ZNF438: variants seen among roughly 807,000 people sequenced by gnomAD.
ZNF438 encodes the protein zinc finger protein 438.
Under a neutral mutation model 38.0 loss-of-function variants are expected in ZNF438, and 25 were observed. The observed-to-expected ratio is 0.66, with a 90% CI of 0.48 to 0.92. The LOEUF is 0.92. ZNF438 is among the 40% of genes least tolerant of loss of function. The pLI, the probability that ZNF438 is intolerant of heterozygous loss-of-function variation, is 0.00. For missense variants in ZNF438, 1,007 were observed against 999.6 expected, an observed-to-expected ratio of 1.01 and a Z score of -0.10; for synonymous variants, 372 against 364.1, an observed-to-expected ratio of 1.02 and a Z score of -0.25.
At chr10:30,887,647 C>T (rs1184894994) in intron 3 of ZNF438, among the ~76,000 whole-genome samples, 1 of 152,158 alleles carries the variant, frequency 6.6e-6, no homozygotes, top group African/African-American at 2.4e-5. Flanking sequence ...CTCGGCCTCC[C>T]AAAGTGCTGG....
chr10:30,908,876 G>A (rs976827257), intron 3 of ZNF438, 57 bp downstream of exon 4: 66 of 152,268 alleles, frequency 4.3e-4, no homozygotes, highest in African/African-American at 1.5e-3. Flanking sequence ...CCTTTGTGAA[G>A]CAAATCTAGA....
rs563189482 is a variant in ZNF438 at position 31,010,892 on chromosome 10, GAAAAAAAAAAAAAAAAA to G, written c.-192+20924_-192+20940del. On this transcript the variant is annotated intron_variant, in intron 1 of 5. Transcript: ENST00000413025. ...TGGATAACGAAGTGAGACCCTGTTTGAAAAAAAAAAAAAAAAAAAAAAAAAAAAAAGATTTTGTTGAG... is the reference window on the plus strand; with the variant it reads ...TGGATAACGAAGTGAGACCCTGTTTGAAAAAAAAAAAAAGATTTTGTTGAG... 4.3e-4 allele frequency among the ~76,000 whole-genome samples: 40 copies of G among 92,592 alleles called. 1 individual carries two copies. The highest frequency in any genetic ancestry group is 6.2e-4 in the Non-Finnish European group (32 of 51,816). 60.7% of individuals were successfully genotyped at this position (92,592 alleles called of 152,430 possible). A position where few individuals can be genotyped will look rare whatever the true frequency, so the allele number is the denominator to read the frequency against.
At chr10:30,973,599 G>A (rs1480764595) in intron 1 of ZNF438, among the ~76,000 whole-genome samples, 1 of 152,094 alleles carries the variant, frequency 6.6e-6, no homozygotes, top group African/African-American at 2.4e-5. Flanking sequence ...ACACATTTCT[G>A]AAATGAAACA....
At chr10:30,998,028 C>G (rs1454235536) in intron 1 of ZNF438, among the ~76,000 whole-genome samples, 1 of 152,186 alleles carries the variant, frequency 6.6e-6, no homozygotes, top group Non-Finnish European at 1.5e-5. Context: ...ACGATACTTT[C>G]AGTTGGGTCT....
chr10:30,955,377 G>C (rs1174268099), intron 1 of ZNF438, among the ~76,000 whole-genome samples: 1 of 152,200 alleles, frequency 6.6e-6, no homozygotes, highest in East Asian at 1.9e-4. Context: ...AAAACTGGAA[G>C]AACTCTGTGA....
chr10:30,903,753 A>G (rs950266910), intron 3 of ZNF438, among the ~76,000 whole-genome samples: 2 of 152,234 alleles, frequency 1.3e-5, no homozygotes, highest in Non-Finnish European at 1.5e-5. Context: ...TAGACCATGT[A>G]ACCTTCAAGT....
At chr10:30,882,547 A>C (rs142783092) in intron 3 of ZNF438, among the ~76,000 whole-genome samples, 1 of 152,200 alleles carries the variant, frequency 6.6e-6, no homozygotes, top group Non-Finnish European at 1.5e-5. Context: ...TCACAATAGA[A>C]ATGAAGAAAC....
chr10:30,904,052 C>T (rs894565393), intron 3 of ZNF438, among the ~76,000 whole-genome samples: 15 of 148,344 alleles, frequency 1.0e-4, no homozygotes, highest in Admixed American at 7.4e-4. Context: ...CAGACTAGAA[C>T]AACAGAGACT....
At chr10:30,984,622 A>C (rs2136527900) in intron 1 of ZNF438, among the ~76,000 whole-genome samples, 196 bp from the exon 2 acceptor site, 1 of 152,312 alleles carries the variant, frequency 6.6e-6, no homozygotes, top group East Asian at 1.9e-4. Flanking sequence ...AAGCATGCAA[A>C]ATTTAATAAA....
Position 30,849,572 on chromosome 10 carries a change from C to T in ZNF438, c.833G>A (p.Gly278Asp), listed in dbSNP as rs374569459. ...TGAAGAGATCAACTGAACTGCATTG[C>T]CAAGAATGGTTGGTGATAAATTGGT... The change falls in exon 5 of 6, where the codon GGC becomes GAC. Residue 278 changes from glycine (G) to aspartate (D), a missense_variant. Physicochemically the swap from Gly to Asp is moderately conservative, Grantham distance 94. Transcript: ENST00000413025. 3.1e-6 allele frequency: 5 copies of T among 1,614,070 alleles called. No homozygotes were observed. The African/African-American group carries it at 5.3e-5, about 17-fold the overall frequency.
chr10:30,954,291 T>C (rs1171090947), intron 1 of ZNF438, among the ~76,000 whole-genome samples: 2 of 152,294 alleles, frequency 1.3e-5, no homozygotes, highest in East Asian at 3.9e-4. Context: ...AAGTAGAAGT[T>C]AGAGGAAAAT....
At chr10:30,875,060 T>C (rs757682239) in intron 4 of ZNF438, among the ~76,000 whole-genome samples, 11 of 152,198 alleles carry the variant, frequency 7.2e-5, no homozygotes, top group Non-Finnish European at 1.5e-4. Flanking sequence ...AGCTATTATA[T>C]ATCCTCTGTC....
chr10:30,914,531 A>C (rs1386227478), intron 2 of ZNF438, among the ~76,000 whole-genome samples: 1 of 152,074 alleles, frequency 6.6e-6, no homozygotes, highest in Non-Finnish European at 1.5e-5. Context: ...CCTGGATGTT[A>C]CCACTGGGGG....
rs552233906 is a variant in ZNF438 at position 31,004,585 on chromosome 10, T to C, written c.-192+27248A>G. Reference sequence around the variant, plus strand: ...TGTGAGGAGTGAGGGAGTGAGATAATAGACACGTCGGAAGACTGCTGGACA... The same window carrying C: ...TGTGAGGAGTGAGGGAGTGAGATAACAGACACGTCGGAAGACTGCTGGACA... On this transcript the variant is annotated intron_variant, in intron 1 of 5. Transcript: ENST00000413025. 1.0e-3 allele frequency among the ~76,000 whole-genome samples: 152 copies of C among 152,262 alleles called. 2 individuals are homozygous for C. The highest frequency in any genetic ancestry group is 3.4e-3 in the African/African-American group (143 of 41,546).
chr10:30,896,643 G>C (rs76712609), intron 3 of ZNF438, among the ~76,000 whole-genome samples: 2 of 151,956 alleles, frequency 1.3e-5, no homozygotes, highest in East Asian at 3.9e-4. Context: ...GTTTCTGGGG[G>C]ATATGGGGTT....
chr10:30,970,047 C>T (rs2050567630), intron 1 of ZNF438, among the ~76,000 whole-genome samples: 1 of 151,444 alleles, frequency 6.6e-6, no homozygotes, highest in South Asian at 2.1e-4. Context: ...TCCAGAGTTA[C>T]TATTAATATA....
intron 1 of ZNF438, among the ~76,000 whole-genome samples, chr10:30,954,716 T>C (rs1275446617): frequency 6.6e-6 from 1 of 152,188 alleles, no homozygotes; most frequent in African/African-American, 2.4e-5. Context: ...GGGCCTCTGA[T>C]TAATGGAGCG....
At chr10:30,902,143 T>G (rs2994618) in intron 3 of ZNF438, among the ~76,000 whole-genome samples, 2 of 151,996 alleles carry the variant, frequency 1.3e-5, no homozygotes, top group African/African-American at 2.4e-5. Context: ...AGGGTTGCCA[T>G]GGCTGGGACT....
chr10:30,857,322 T>C lies in ZNF438; in HGVS notation c.38-6955A>G, dbSNP rs2034827377. Reference sequence around the variant, plus strand: ...CAGGCTGGAATGCAGTGGTGAGATCTTGGCTCACTGCAACCTCTACCTCCC... The same window carrying C: ...CAGGCTGGAATGCAGTGGTGAGATCCTGGCTCACTGCAACCTCTACCTCCC... On this transcript the variant is annotated intron_variant, in intron 4 of 5. Transcript: ENST00000413025. Among the ~76,000 whole-genome samples, 3 of 151,872 alleles carry C rather than the reference T, an allele frequency of 2.0e-5. 1 individual carries two copies. The South Asian group carries it at 6.3e-4, about 32-fold the overall frequency.
Sources: gnomAD v4.1 joint callset for allele counts (sites outside exome capture counted in the v4.1 genomes callset) on GRCh38, gnomAD v4.1.1 for gene constraint, MANE v1.5 for transcripts, NCBI Gene and HGNC (gene_info 2026-07-23, HGNC 2026-07-21) for gene names.